Variants in PRSS54 observed in about 807,000 individuals in gnomAD.
The protein encoded by PRSS54 is inactive serine protease 54.
PRSS54 carries 16 observed loss-of-function variants against 19.9 expected under a neutral mutation model. The observed-to-expected ratio is 0.80, with a 90% CI of 0.54 to 1.22. The LOEUF is 1.22. Ranked by LOEUF, PRSS54 falls within the 50% of genes most tolerant of loss-of-function variation. The pLI, the probability that PRSS54 is intolerant of heterozygous loss-of-function variation, is 0.00. For missense variants in PRSS54, 444 were observed against 494.8 expected, an observed-to-expected ratio of 0.90 and a Z score of 0.97; for synonymous variants, 177 against 195.8, an observed-to-expected ratio of 0.90 and a Z score of 0.80.
rs1412629932 is a variant in PRSS54 at position 58,293,787 on chromosome 16, A to C, written c.30T>G (p.Asp10Glu). Reference sequence around the variant, plus strand: ...CCAGGAGCACCCCTCGCATCTTGCCATCCCCAGAGAGACCCGCCGCGGACA... The same window carrying C: ...CCAGGAGCACCCCTCGCATCTTGCCCTCCCCAGAGAGACCCGCCGCGGACA... MVSAAGLSG[D>E]GKMRGVLLVL... is the part of the protein sequence containing the mutation. The change falls in exon 3 of 7, where the codon GAT (aspartate) becomes GAG (glutamate). Residue 10 changes from aspartate (D) to glutamate (E), a missense_variant. Physicochemically the swap from Asp to Glu is conservative, Grantham distance 45. Transcript: ENST00000567164. 2 of 1,613,150 alleles carry C rather than the reference A, an allele frequency of 1.2e-6. No homozygotes were observed. The highest frequency in any genetic ancestry group is 4.5e-5 in the East Asian group (2 of 44,866).
intron 4 of PRSS54, among the ~76,000 whole-genome samples, chr16:58,290,401 AAT>A (rs534772310): frequency 5.3e-4 from 81 of 152,300 alleles, no homozygotes; most frequent in African/African-American, 1.8e-3. Context: ...TTCTTTTAAT[AAT>A]ATTTATGATT....
At chr16:58,291,275 C>T in intron 3 of PRSS54, 139 bp from the exon 4 acceptor site, 1 of 746,514 alleles carries the variant, frequency 1.3e-6, no homozygotes, top group Non-Finnish European at 2.1e-6. Context: ...CTTCTTCACC[C>T]TAAAAGATGC....
intron 5 of PRSS54, chr16:58,285,103 C>T (rs775910788): frequency 9.0e-5 from 15 of 166,670 alleles, no homozygotes; most frequent in Non-Finnish European, 1.6e-4. Context: ...GCATGAGCCG[C>T]TGTGCCCTGC....
intron 3 of PRSS54, among the ~76,000 whole-genome samples, chr16:58,292,779 A>G (rs1965063553): frequency 6.6e-6 from 1 of 152,166 alleles, no homozygotes. Context: ...AGAGTTTAGG[A>G]GTGTGTGATG....
chr16:58,290,403 T>A (rs186392992), intron 4 of PRSS54, among the ~76,000 whole-genome samples: 1 of 152,134 alleles, frequency 6.6e-6, no homozygotes, highest in East Asian at 1.9e-4. Context: ...CTTTTAATAA[T>A]ATTTATGATT....
intron 4 of PRSS54, among the ~76,000 whole-genome samples, chr16:58,287,532 A>G (rs1964945247): frequency 6.6e-6 from 1 of 152,240 alleles, no homozygotes. Flanking sequence ...GCCAATACGC[A>G]GTAGCCCTCA....
Position 58,285,982 on chromosome 16 carries a change from T to C in PRSS54, c.477A>G (p.Pro159=). ...CFLGRMLHTP[P]VLQNCWVSGW... ...CTGACACCCAGCAGTTCTGCAAGAC[T>C]GGTGGTGTATGCAGCATTCTGCCGA... The change falls in exon 5 of 7, where the codon CCA becomes CCG. Residue 159 remains proline, a synonymous_variant. Coordinates refer to ENST00000567164, the MANE Select transcript of PRSS54 (RefSeq NM_001305173.2). 1 of 1,614,226 alleles carries C rather than the reference T, an allele frequency of 6.2e-7. No homozygotes were observed. Among genetic ancestry groups the C allele is most frequent in the Non-Finnish European group, 8.5e-7 (1 of 1,180,040 alleles).
At chr16:58,293,928 A>C in intron 2 of PRSS54, 57 bp downstream of exon 2, 1 of 909,482 alleles carries the variant, frequency 1.1e-6, no homozygotes, top group Non-Finnish European at 1.7e-6. Context: ...TCCCTCCCAA[A>C]CATCAGAGGC....
At chr16:58,290,362 AGAGT>A (rs1389819594) in intron 4 of PRSS54, among the ~76,000 whole-genome samples, 1 of 152,154 alleles carries the variant, frequency 6.6e-6, no homozygotes, top group Non-Finnish European at 1.5e-5. Flanking sequence ...ACTGGGTCAA[AGAGT>A]GAGAAATATT....
intron 5 of PRSS54, among the ~76,000 whole-genome samples, 196 bp from the exon 6 acceptor site, chr16:58,284,917 C>A (rs1211544187): frequency 6.6e-6 from 1 of 151,776 alleles, no homozygotes; most frequent in African/African-American, 2.4e-5. Context: ...CGGGTTCAAG[C>A]AATTCTCCTG....
chr16:58,294,051 T>C lies in PRSS54; in HGVS notation c.-73A>G. 1 of 541,634 alleles carries C rather than the reference T, an allele frequency of 1.8e-6. No homozygotes were observed. Among genetic ancestry groups the C allele is most frequent in the Non-Finnish European group, 3.3e-6 (1 of 300,854 alleles). 33.6% of individuals were successfully genotyped at this position (541,634 alleles called of 1,614,324 possible). On this transcript the variant is annotated 5_prime_UTR_variant, in exon 2 of 7. Transcript: ENST00000567164. ...AGGACCAGTTGGCCCGCACTGTGGT[T>C]TGTGAGATGGCCAGAGAAGAGAGGG...
At chr16:58,292,181 G>A (rs1035675162) in intron 3 of PRSS54, among the ~76,000 whole-genome samples, 9 of 151,880 alleles carry the variant, frequency 5.9e-5, no homozygotes, top group African/African-American at 1.2e-4. Flanking sequence ...TGCTTGCCTC[G>A]GCCTCCCAAA....
chr16:58,284,146 G>T (rs1023868729), intron 6 of PRSS54, among the ~76,000 whole-genome samples: 3 of 151,832 alleles, frequency 2.0e-5, no homozygotes, highest in African/African-American at 7.3e-5. Flanking sequence ...TTTTGAGGCA[G>T]TAGGACAGCC....
chr16:58,284,068 G>A (rs973035656), intron 6 of PRSS54, among the ~76,000 whole-genome samples: 3 of 152,138 alleles, frequency 2.0e-5, no homozygotes, highest in African/African-American at 7.2e-5. Context: ...ACCCTAGTAA[G>A]CCACACTTTC....
At position 58,286,002 on chromosome 16, in the gene PRSS54, T is replaced by G; in HGVS notation, c.457A>C (p.Arg153=). ...AAGACTGGTGGTGTATGCAGCATTC[T>G]GCCGAGGAAGCAGATGGACTGGACC... ...NLVQSICFLG[R]MLHTPPVLQN... The change falls in exon 5 of 7, where the codon AGA becomes CGA. Residue 153 remains arginine, a synonymous_variant. Coordinates refer to ENST00000567164, the MANE Select transcript of PRSS54 (RefSeq NM_001305173.2). 1 of 1,614,194 alleles carries G rather than the reference T, an allele frequency of 6.2e-7. No homozygotes were observed. The highest frequency in any genetic ancestry group is 8.5e-7 in the Non-Finnish European group (1 of 1,180,026).
chr16:58,285,829 T>A, intron 5 of PRSS54, 108 bp downstream of exon 5: 2 of 1,287,482 alleles, frequency 1.6e-6, no homozygotes, highest in Non-Finnish European at 1.0e-6. Context: ...CTCTAGAACC[T>A]CAAGCAAACT....
chr16:58,294,590 G>T (rs1965106183), intron 1 of PRSS54, among the ~76,000 whole-genome samples: 1 of 152,122 alleles, frequency 6.6e-6, no homozygotes, highest in South Asian at 2.1e-4. Flanking sequence ...ACGTTGGCCA[G>T]GCTGGTCTCG....
chr16:58,285,760 A>G (rs1964908212), intron 5 of PRSS54, among the ~76,000 whole-genome samples, 177 bp downstream of exon 5: 1 of 150,808 alleles, frequency 6.6e-6, no homozygotes, highest in Non-Finnish European at 1.5e-5. Context: ...GAAGAAGAAG[A>G]AGAGTGGCTA....
chr16:58,290,986 A>G lies in PRSS54; in HGVS notation c.236T>C (p.Leu79Pro). 1.2e-6 allele frequency: 2 copies of G among 1,614,228 alleles called. No homozygotes were observed. The highest frequency in any genetic ancestry group is 8.5e-7 in the Non-Finnish European group (1 of 1,180,038). The change falls in exon 4 of 7, where the codon CTC becomes CCC. Residue 79 changes from leucine (L) to proline (P), a missense_variant. Coordinates refer to ENST00000567164, the MANE Select transcript of PRSS54 (RefSeq NM_001305173.2). The part of the protein sequence containing the change: ...FGCILSEFWV[L>P]SIASAIQNRK... ...GTTCTGAATGGCGGATGCGATGCTG[A>G]GGACCCAGAACTCGCTCAGGATGCA...
Sources: allele counts gnomAD v4.1 joint callset (sites outside exome capture counted in the v4.1 genomes callset), GRCh38; gene constraint gnomAD v4.1.1; transcripts MANE v1.5; gene names NCBI Gene and HGNC (gene_info 2026-07-23, HGNC 2026-07-21).